SHROOM4: variants seen among roughly 807,000 people sequenced by gnomAD.
SHROOM4 encodes the protein protein Shroom4.
A neutral mutation model predicts 80.3 loss-of-function variants in SHROOM4; 17 were observed. That is an observed-to-expected ratio of 0.21 (90% CI 0.14 to 0.32). The LOEUF is 0.32. Among genes scored for constraint, SHROOM4 ranks in the 10% least tolerant of loss-of-function variants. SHROOM4 has a pLI of 1.00. For synonymous variants in SHROOM4, 400 were observed against 437.5 expected (o/e 0.91, Z 1.07); for missense variants, 993 against 1,140.3 (o/e 0.87, Z 1.86).
At chrX:50,704,636 G>A (rs1557263807) in intron 1 of SHROOM4, among the ~76,000 whole-genome samples, 4 of 111,902 alleles carry the variant, frequency 3.6e-5, no homozygotes, top group African/African-American at 1.3e-4. Context: ...TTTCTGACTG[G>A]AAAAGGACCC....
intron 1 of SHROOM4, among the ~76,000 whole-genome samples, chrX:50,741,914 T>G (rs1363409118): frequency 2.7e-5 from 3 of 111,308 alleles, no homozygotes; most frequent in Non-Finnish European, 5.7e-5. Context: ...TAAACCAAAC[T>G]TTCAATCCTA....
At position 50,587,041 on chromosome X, in the gene SHROOM4, G is replaced by T. The variant is rs1231007727; in HGVS notation, c.*9654C>A. ...CTAGATTTATACATCTTATGTAGCT[G>T]CAACTTTGTAGCTTTGACCAACATC... On this transcript the variant is annotated 3_prime_UTR_variant, in exon 9 of 9. Coordinates refer to ENST00000376020, the MANE Select transcript of SHROOM4 (RefSeq NM_020717.5). 8.9e-6 allele frequency among the ~76,000 whole-genome samples: 1 copy of T among 111,861 alleles called. No homozygotes were observed. The highest frequency in any genetic ancestry group is 1.9e-5 in the Non-Finnish European group (1 of 53,181).
At chrX:50,623,108 A>G (rs1161475609) in intron 5 of SHROOM4, among the ~76,000 whole-genome samples, 15 of 111,952 alleles carry the variant, frequency 1.3e-4, no homozygotes, top group African/African-American at 4.5e-4. Context: ...ATTAAACCCA[A>G]TTGCTCCCTC....
chrX:50,661,194 G>T (rs1220913764), intron 2 of SHROOM4, among the ~76,000 whole-genome samples: 4 of 110,788 alleles, frequency 3.6e-5, no homozygotes, highest in Admixed American at 1.9e-4. Context: ...TGGCTTCCAG[G>T]TTTTTTTGTT....
At chrX:50,795,060 A>C (rs201918840) in intron 1 of SHROOM4, among the ~76,000 whole-genome samples, 3 of 53,590 alleles carry the variant, frequency 5.6e-5, no homozygotes, top group East Asian at 5.5e-4. Flanking sequence ...TGATATATAT[A>C]TGATATATAT....
intron 2 of SHROOM4, among the ~76,000 whole-genome samples, chrX:50,649,058 G>A (rs1160852536): frequency 1.8e-5 from 2 of 112,049 alleles, no homozygotes; most frequent in African/African-American, 6.5e-5. Context: ...TGGGGATGGA[G>A]CAGAAAGGAA....
chrX:50,798,354 T>C (rs1199239331), intron 1 of SHROOM4, among the ~76,000 whole-genome samples: 3 of 112,106 alleles, frequency 2.7e-5, no homozygotes, highest in Non-Finnish European at 5.6e-5. Flanking sequence ...GTGCATTATA[T>C]TATTTCATCC....
chrX:50,581,309 C>G, the SHROOM4 span, among the ~76,000 whole-genome samples: 78 of 111,750 alleles, frequency 7.0e-4, no homozygotes, highest in African/African-American at 2.3e-3. Context: ...CAAATTTATG[C>G]CTGTATACTG....
At chrX:50,653,953 C>T (rs1310766537) in intron 2 of SHROOM4, among the ~76,000 whole-genome samples, 5 of 111,707 alleles carry the variant, frequency 4.5e-5, no homozygotes, top group African/African-American at 9.8e-5. Flanking sequence ...TTCTAATGCA[C>T]GCTCATAAGT....
intron 1 of SHROOM4, among the ~76,000 whole-genome samples, chrX:50,768,257 G>C (rs1344809389): frequency 3.6e-5 from 4 of 111,633 alleles, no homozygotes; most frequent in African/African-American, 6.5e-5. Context: ...TCCTACCAAA[G>C]AAGTCAGTGG....
chrX:50,686,068 T>C (rs141414685), intron 2 of SHROOM4, among the ~76,000 whole-genome samples: 3,558 of 110,633 alleles, frequency 0.032, 134 homozygotes, highest in African/African-American at 0.11. Flanking sequence ...GGCTCTGTCT[T>C]CCAGGCTGGA....
chrX:50,806,666 T>C (rs1373921623), intron 1 of SHROOM4, among the ~76,000 whole-genome samples: 4 of 112,348 alleles, frequency 3.6e-5, no homozygotes, highest in African/African-American at 1.3e-4. Context: ...GTGAAAGTGA[T>C]CTTGATACCG....
At chrX:50,659,699 G>C (rs1932429753) in intron 2 of SHROOM4, among the ~76,000 whole-genome samples, 1 of 111,796 alleles carries the variant, frequency 8.9e-6, no homozygotes, top group Non-Finnish European at 1.9e-5. Context: ...GGCAGAGTGT[G>C]AAGAACATAA....
intron 1 of SHROOM4, among the ~76,000 whole-genome samples, chrX:50,774,124 T>A (rs782535501): frequency 7.2e-5 from 8 of 111,719 alleles, no homozygotes; most frequent in Admixed American, 3.8e-4. Flanking sequence ...GGCATCCACA[T>A]GAACATCACT....
chrX:50,700,783 C>T (rs1602444969), intron 1 of SHROOM4, among the ~76,000 whole-genome samples: 1 of 112,295 alleles, frequency 8.9e-6, no homozygotes, highest in East Asian at 2.8e-4. Context: ...TACTTTACAC[C>T]AGTTTTCCAA....
chrX:50,655,323 G>GT (rs1300894635), intron 2 of SHROOM4, among the ~76,000 whole-genome samples: 1 of 109,253 alleles, frequency 9.2e-6, no homozygotes, highest in Non-Finnish European at 1.9e-5. Flanking sequence ...GGATTGCTCT[G>GT]TAAGAGTTCA....
At chrX:50,579,028 G>A in the SHROOM4 span, among the ~76,000 whole-genome samples, 6 of 111,688 alleles carry the variant, frequency 5.4e-5, no homozygotes, top group African/African-American at 2.0e-4. Context: ...TCAAAGTGAT[G>A]GGGAAGGTGT....
At chrX:50,651,740 AAC>A (rs1932078140) in intron 2 of SHROOM4, among the ~76,000 whole-genome samples, 1 of 93,510 alleles carries the variant, frequency 1.1e-5, no homozygotes, top group Non-Finnish European at 2.1e-5. Flanking sequence ...CTAGCCCCTT[AAC>A]CCCCGACATG....
chrX:50,646,765 G>A (rs1302982207), intron 2 of SHROOM4, among the ~76,000 whole-genome samples: 4 of 109,020 alleles, frequency 3.7e-5, no homozygotes, highest in African/African-American at 1.3e-4. Flanking sequence ...AAATCTGCTG[G>A]GTCCCCCTCT....
Sources: allele counts gnomAD v4.1 joint callset (sites outside exome capture counted in the v4.1 genomes callset), GRCh38; gene constraint gnomAD v4.1.1; transcripts MANE v1.5; gene names NCBI Gene and HGNC (gene_info 2026-07-23, HGNC 2026-07-21).